Variants in PCDHA13 observed in about 807,000 individuals in gnomAD.
The protein encoded by PCDHA13 is protocadherin alpha 13, also known as protocadherin alpha-13.
PCDHA13 carries 54 observed loss-of-function variants against 64.8 expected under a neutral mutation model. That is an observed-to-expected ratio of 0.83 (90% CI 0.67 to 1.04). PCDHA13 has a LOEUF of 1.04. Ranked by LOEUF, PCDHA13 falls within the 50% of genes least tolerant of loss-of-function variation. The pLI is 0.00. For missense variants in PCDHA13, 1,248 were observed against 1,254.3 expected, an observed-to-expected ratio of 0.99 and a Z score of 0.08; for synonymous variants, 587 against 564.4, an observed-to-expected ratio of 1.04 and a Z score of -0.57.
rs782338608 is a variant in PCDHA13 at position 140,883,720 on chromosome 5, A to G, written c.1452A>G (p.Ala484=). 7 of 1,613,566 alleles carry G rather than the reference A, an allele frequency of 4.3e-6. No homozygotes were observed. The highest frequency in any genetic ancestry group is 1.7e-4 in the Middle Eastern group (1 of 5,798). ...IFTVSAQDAD[A]QENALVSYSL... ...CGGTGTCTGCTCAGGACGCGGACGC[A>G]CAGGAGAACGCGCTGGTCTCCTACT... The change falls in exon 1 of 4, where the codon GCA becomes GCG. Residue 484 remains alanine (A), a synonymous_variant. Coordinates refer to ENST00000289272, the MANE Select transcript of PCDHA13 (RefSeq NM_018904.3).
chr5:140,926,919 A>C (rs782148872), intron 1 of PCDHA13: 2 of 1,566,668 alleles, frequency 1.3e-6, no homozygotes, highest in South Asian at 2.4e-5. Flanking sequence ...TGGCAGTTTT[A>C]TGTTTGTGGG....
At chr5:140,896,882 T>C (rs1345268084) in intron 1 of PCDHA13, among the ~76,000 whole-genome samples, 1 of 152,198 alleles carries the variant, frequency 6.6e-6, no homozygotes. Flanking sequence ...TTATGGGGTA[T>C]ATGAGACATT....
chr5:140,962,028 C>T (rs1046578713), intron 1 of PCDHA13, among the ~76,000 whole-genome samples: 81 of 152,150 alleles, frequency 5.3e-4, no homozygotes, highest in African/African-American at 1.8e-3. Context: ...GGACTACAGG[C>T]ACCCACCACC....
intron 1 of PCDHA13, among the ~76,000 whole-genome samples, chr5:140,891,690 C>T (rs12518591): frequency 0.01 from 1,559 of 152,280 alleles, 92 homozygotes; most frequent in Admixed American, 0.092. Context: ...TCTCTTCTTG[C>T]TGTTGTCTGA....
intron 1 of PCDHA13, chr5:140,967,668 C>T (rs1554229751): frequency 1.2e-6 from 2 of 1,614,108 alleles, no homozygotes; most frequent in Non-Finnish European, 8.5e-7. Flanking sequence ...AGCTACACGT[C>T]GGACCGGGAG....
At chr5:141,005,680 C>T (rs1389178600) in intron 3 of PCDHA13, among the ~76,000 whole-genome samples, 6 of 111,878 alleles carry the variant, frequency 5.4e-5, no homozygotes, top group East Asian at 2.8e-4. Flanking sequence ...CCAGCCTGGG[C>T]GACAGAGCGA....
chr5:140,979,414 T>C (rs1410205907), intron 2 of PCDHA13, among the ~76,000 whole-genome samples: 1 of 152,242 alleles, frequency 6.6e-6, no homozygotes, highest in African/African-American at 2.4e-5. Flanking sequence ...CCTTGTTTTT[T>C]TTTTAATCTC....
chr5:140,906,296 A>G (rs1378311950), intron 1 of PCDHA13, among the ~76,000 whole-genome samples: 9 of 152,226 alleles, frequency 5.9e-5, no homozygotes, highest in Non-Finnish European at 1.5e-5. Flanking sequence ...GACAATAATA[A>G]GGTCATAATT....
Position 140,991,900 on chromosome 5 carries a change from ATCCC to A in PCDHA13, c.2542+9339_2542+9342del, listed in dbSNP as rs576684602. Reference sequence around the variant, plus strand: ...GGCTGCCATAACAAATTAACACAAAATCCCTTTTGCCATGTAACATAACATATTC... The same window carrying A: ...GGCTGCCATAACAAATTAACACAAAATTTTGCCATGTAACATAACATATTC... On this transcript the variant is annotated intron_variant, in intron 3 of 3. Coordinates refer to ENST00000289272, the MANE Select transcript of PCDHA13 (RefSeq NM_018904.3). Among the ~76,000 whole-genome samples, 390 of 152,250 alleles carry A rather than the reference ATCCC, an allele frequency of 2.6e-3. 2 individuals carry two copies. The highest frequency in any genetic ancestry group is 4.8e-3 in the South Asian group (23 of 4,818).
intron 1 of PCDHA13, among the ~76,000 whole-genome samples, chr5:140,935,149 T>C (rs1241997966): frequency 6.6e-6 from 1 of 152,192 alleles, no homozygotes; most frequent in Admixed American, 6.5e-5. Context: ...CTTAGAGATA[T>C]AATCTCAACA....
intron 1 of PCDHA13, among the ~76,000 whole-genome samples, chr5:140,938,740 A>T (rs1308554709): frequency 1.3e-5 from 2 of 152,150 alleles, no homozygotes; most frequent in East Asian, 3.8e-4. Flanking sequence ...AAAAATAATT[A>T]TTTTTAAAGG....
intron 1 of PCDHA13, among the ~76,000 whole-genome samples, chr5:140,893,139 C>G (rs2063839594): frequency 6.6e-6 from 1 of 152,186 alleles, no homozygotes; most frequent in East Asian, 1.9e-4. Context: ...TCTTTATCCA[C>G]TCATCTGTTG....
chr5:140,890,069 A>C (rs1554184149), intron 1 of PCDHA13, among the ~76,000 whole-genome samples: 1 of 152,204 alleles, frequency 6.6e-6, no homozygotes, highest in Non-Finnish European at 1.5e-5. Flanking sequence ...TTACTGGCTT[A>C]TGAGAACTGA....
chr5:140,892,448 A>G (rs973072554), intron 1 of PCDHA13, among the ~76,000 whole-genome samples: 13 of 152,292 alleles, frequency 8.5e-5, no homozygotes, highest in African/African-American at 2.9e-4. Context: ...ATTTACATGT[A>G]TTCTTTAAGT....
intron 1 of PCDHA13, among the ~76,000 whole-genome samples, chr5:140,888,097 G>T (rs536916138): frequency 3.3e-4 from 50 of 152,066 alleles, no homozygotes; most frequent in African/African-American, 1.2e-3. Context: ...TCCTTAGTTT[G>T]CTTCTTTTAA....
chr5:140,906,303 A>G (rs1195275228), intron 1 of PCDHA13, among the ~76,000 whole-genome samples: 5 of 152,220 alleles, frequency 3.3e-5, no homozygotes, highest in Non-Finnish European at 7.3e-5. Flanking sequence ...ATAAGGTCAT[A>G]ATTATTCCCA....
chr5:140,988,864 C>T (rs1017144453), intron 3 of PCDHA13: 2 of 152,190 alleles, frequency 1.3e-5, no homozygotes, highest in Non-Finnish European at 2.9e-5. Flanking sequence ...GTCTCATGTG[C>T]ACTCAGATGT....
chr5:141,007,935 C>G (rs2098352677), intron 3 of PCDHA13, among the ~76,000 whole-genome samples: 1 of 152,176 alleles, frequency 6.6e-6, no homozygotes, highest in African/African-American at 2.4e-5. Flanking sequence ...GAATTCTAAG[C>G]CACCTTTTTG....
At chr5:140,982,625 T>C in intron 3 of PCDHA13, 62 bp downstream of exon 3, 1 of 1,582,614 alleles carries the variant, frequency 6.3e-7, no homozygotes, top group South Asian at 1.2e-5. Context: ...ATGACCTACT[T>C]TTGTAAGATC....
Sources: gnomAD v4.1 joint callset for allele counts (sites outside exome capture counted in the v4.1 genomes callset) on GRCh38, gnomAD v4.1.1 for gene constraint, MANE v1.5 for transcripts, NCBI Gene and HGNC (gene_info 2026-07-23, HGNC 2026-07-21) for gene names.